WDR33: variants seen among roughly 807,000 people sequenced by gnomAD.
The protein encoded by WDR33 is pre-mRNA 3' end processing protein WDR33.
WDR33 carries 47 observed loss-of-function variants against 164.9 expected under a neutral mutation model. The ratio of observed to expected loss-of-function variants is 0.29; its 90% CI spans 0.23 to 0.36. The LOEUF (loss-of-function observed/expected upper bound fraction) is 0.36, where lower values mean the gene tolerates loss of function less well. WDR33 is among the 10% of genes least tolerant of loss of function. WDR33 has a pLI of 1.00. For missense variants in WDR33, 1,137 were observed against 1,754.1 expected (o/e 0.65, Z 6.28); for synonymous variants, 505 against 589.0 (o/e 0.86, Z 2.06).
rs780734465 is a variant in WDR33, at chr2:127,725,098, C to T, written c.969G>A (p.Glu323=). 1.2e-6 allele frequency: 2 copies of T among 1,613,524 alleles called. No homozygotes were observed. The highest frequency in any genetic ancestry group is 1.7e-6 in the Non-Finnish European group (2 of 1,179,894). The change falls in exon 9 of 22, where the codon GAG becomes GAA. Residue 323 remains glutamate, a synonymous_variant. Coordinates refer to ENST00000322313, the MANE Select transcript of WDR33 (RefSeq NM_018383.5). ...KLFDIRNLKE[E]LQVFRGHKKE... ...TCTTATGACCTCGGAAGACTTGAAG[C>T]TCTTCTTTTAGGTTTCTGATATCAA...
intron 7 of WDR33, among the ~76,000 whole-genome samples, chr2:127,745,481 G>A (rs981947194): frequency 3.3e-5 from 5 of 152,070 alleles, no homozygotes; most frequent in Non-Finnish European, 4.4e-5. Context: ...TTTAAACAAT[G>A]GTTTTTCTTT....
chr2:127,737,669 G>T, intron 7 of WDR33: 3 of 1,044,742 alleles, frequency 2.9e-6, no homozygotes, highest in Non-Finnish European at 3.5e-6. Context: ...GAAGCCCCTG[G>T]TAAGGAAGAA....
At chr2:127,789,712 T>C (rs1306336466) in intron 1 of WDR33, among the ~76,000 whole-genome samples, 3 of 151,880 alleles carry the variant, frequency 2.0e-5, no homozygotes, top group African/African-American at 4.8e-5. Context: ...TCTTGCCTTA[T>C]TGTACTGTTC....
chr2:127,743,210 T>C (rs1420277005), intron 7 of WDR33, among the ~76,000 whole-genome samples: 1 of 152,142 alleles, frequency 6.6e-6, no homozygotes, highest in Non-Finnish European at 1.5e-5. Flanking sequence ...ACAAAAACCA[T>C]TTACTCAAAT....
chr2:127,807,637 A>G (rs1225870272), intron 1 of WDR33, among the ~76,000 whole-genome samples: 1 of 152,212 alleles, frequency 6.6e-6, no homozygotes, highest in Non-Finnish European at 1.5e-5. Flanking sequence ...CAGAATAGGA[A>G]TAGTGTGAAA....
chr2:127,724,499 T>C lies in WDR33; in HGVS notation c.1086-56A>G, dbSNP rs1184343045. On this transcript the variant is annotated intron_variant, in intron 10 of 21. Transcript: ENST00000322313. The surrounding 1 kb of genome is among the most constrained non-coding windows in gnomAD (Gnocchi z 4.8). ...TCACAAAAGTTACCCAGCTTCTCCC[T>C]CCCCCTCAAAAAAGACATTTTCTGT... The C allele has an allele frequency of 9.0e-6, 13 of 1,449,790 alleles. No homozygotes were observed. The highest frequency in any genetic ancestry group is 7.2e-5 in the Admixed American group (4 of 55,660). The allele number at this position is 1,449,790 out of a possible 1,614,324, so 89.8% of individuals were successfully genotyped here.
At position 127,765,216 on chromosome 2, in the gene WDR33, G is replaced by T; in HGVS notation, c.432C>A (p.Thr144=). Residue 144 remains threonine, a synonymous_variant, in exon 5 of 22, where the codon ACC becomes ACA. Coordinates refer to ENST00000322313, the MANE Select transcript of WDR33 (RefSeq NM_018383.5). ...AATTGAAAGTGAGTCCATTCCACAG[G>T]GTAAACTCCCCACTAGAAGCTCCAG... ...LVTGASSGEF[T]LWNGLTFNFE... 4.3e-6 allele frequency: 7 copies of T among 1,613,990 alleles called. No homozygotes were observed. The highest frequency in any genetic ancestry group is 5.1e-6 in the Non-Finnish European group (6 of 1,179,994).
rs1435606389 is a variant in WDR33, at chr2:127,741,444, T to C, written c.725-14667A>G. On this transcript the variant is annotated intron_variant, in intron 7 of 21. Coordinates refer to ENST00000322313, the MANE Select transcript of WDR33 (RefSeq NM_018383.5). The surrounding 1 kb of genome is among the most constrained non-coding windows in gnomAD (Gnocchi z 4.1). ...CCCACTTACTTGATAAATGTGGCAG[T>C]GGCCTGTGCTTCTCCACTCACTTCA... Among the ~76,000 whole-genome samples, 5 of 152,196 alleles carry C rather than the reference T, an allele frequency of 3.3e-5. No individual in the cohort carries two copies. Among genetic ancestry groups the C allele is most frequent in the African/African-American group, 1.2e-4 (5 of 41,458 alleles).
chr2:127,704,488 A>G lies in WDR33; in HGVS notation c.*1835T>C, dbSNP rs1459857964. The G allele has an allele frequency of 6.0e-6, 1 of 167,018 alleles. No homozygotes were observed. Among genetic ancestry groups the G allele is most frequent in the East Asian group, 1.9e-4 (1 of 5,202 alleles). The allele number at this position is 167,018 out of a possible 1,614,324, so 10.3% of individuals were successfully genotyped here. ...TTTTAGCTTCATGAAATTTGATTAC[A>G]GTTTCTCTCTCTTTAAGCTATACCA... On this transcript the variant is annotated 3_prime_UTR_variant, in exon 22 of 22. Coordinates refer to ENST00000322313, the MANE Select transcript of WDR33 (RefSeq NM_018383.5).
In WDR33 at chr2:127,706,853, C is replaced by A. The variant is rs1686029128; in HGVS notation, c.3782-301G>T. Among the ~76,000 whole-genome samples the A allele has an allele frequency of 6.6e-6, 1 of 152,234 alleles. No homozygotes were observed. The highest frequency in any genetic ancestry group is 1.5e-5 in the Non-Finnish European group (1 of 68,044). On this transcript the variant is annotated intron_variant, in intron 21 of 21. Transcript: ENST00000322313. This position sits in a 1 kb window ranked among gnomAD's most constrained non-coding sequence, Gnocchi z 5.1. ...CACCTTCAGGGAGACCCGGGCCACA[C>A]TGGGCCATGTCCCAGGCCATGGGAA...
chr2:127,796,667 T>C (rs1689054311), intron 1 of WDR33, among the ~76,000 whole-genome samples: 1 of 152,060 alleles, frequency 6.6e-6, no homozygotes, highest in African/African-American at 2.4e-5. Context: ...TGCTTTTTTA[T>C]TCCATTTTAT....
rs1329418230 is a variant in WDR33 at position 127,717,208 on chromosome 2, G to T, written c.2816C>A (p.Ala939Glu). The T allele has an allele frequency of 6.2e-7, 1 of 1,609,804 alleles. No homozygotes were observed. Among genetic ancestry groups the T allele is most frequent in the Non-Finnish European group, 8.5e-7 (1 of 1,177,994 alleles). ...GTTCAGAGGGGGAATGCGACCTTGT[G>T]CTCCCTGCTGCCCTAGGCCTGGTAT... Reference protein sequence around the residue: ...PLIPGLGQQGAQGRIPPLNPG... With the variant: ...PLIPGLGQQGEQGRIPPLNPG... The change falls in exon 17 of 22, where the codon GCA becomes GAA. Residue 939 changes from alanine (A) to glutamate (E), a missense_variant. This residue lies in a region of WDR33 where 867 missense variants were observed against 1,073.0 expected (regional missense o/e 0.81). Coordinates refer to ENST00000322313, the MANE Select transcript of WDR33 (RefSeq NM_018383.5). This position sits in a 1 kb window ranked among gnomAD's most constrained non-coding sequence, Gnocchi z 5.6.
chr2:127,708,868 T>C lies in WDR33; in HGVS notation c.3590A>G (p.Asp1197Gly), dbSNP rs1017588893. 6.3e-7 allele frequency: 1 copy of C among 1,580,958 alleles called. No homozygotes were observed. Among genetic ancestry groups the C allele is most frequent in the Non-Finnish European group, 8.6e-7 (1 of 1,160,188 alleles). ...AGGGGGATGATCAGGGCGGGGAGTA[T>C]CACGAAAATGTTCATGACCTGGCCC... Reference protein sequence around the residue: ...EPGPGHEHFRDTPRPDHPPHD... With the variant: ...EPGPGHEHFRGTPRPDHPPHD... Residue 1197 changes from aspartate (D) to glycine (G), a missense_variant, in exon 21 of 22, where the codon GAT becomes GGT. By Grantham distance (94) the Asp-to-Gly change is moderately conservative. This residue lies in a region of WDR33 where 867 missense variants were observed against 1,073.0 expected (regional missense o/e 0.81). Transcript: ENST00000322313. The surrounding 1 kb of genome is among the most constrained non-coding windows in gnomAD (Gnocchi z 6.7).
In WDR33 at chr2:127,702,205, T is replaced by TA. The variant is rs887512005; in HGVS notation, c.*4117dup. On this transcript the variant is annotated 3_prime_UTR_variant, in exon 22 of 22. Transcript: ENST00000322313. ...CCTCGCGCCCTCGCCGCTGGGGAAG[T>TA]ACGCGGAGCCAGCGCCGTCGGAGAC... 66 of 1,211,746 alleles carry TA rather than the reference T, an allele frequency of 5.4e-5. No individual in the cohort carries two copies. In the African/African-American group the frequency reaches 7.9e-4, roughly 14 times the overall value. 75.1% of individuals were successfully genotyped at this position (1,211,746 alleles called of 1,614,324 possible).
chr2:127,732,504 T>C (rs1213582887), intron 7 of WDR33, among the ~76,000 whole-genome samples: 1 of 152,174 alleles, frequency 6.6e-6, no homozygotes, highest in Non-Finnish European at 1.5e-5. Flanking sequence ...TAATTTTTTG[T>C]AGAGATGGAG....
intron 1 of WDR33, among the ~76,000 whole-genome samples, chr2:127,799,773 C>T (rs1689172098): frequency 6.6e-6 from 1 of 152,174 alleles, no homozygotes; most frequent in Admixed American, 6.5e-5. Flanking sequence ...TCCAGCTACT[C>T]GAACCACCTC....
rs1686356660 is a variant in WDR33, at chr2:127,718,832, G to C, written c.2760+433C>G. 6.6e-6 allele frequency among the ~76,000 whole-genome samples: 1 copy of C among 152,184 alleles called. No homozygotes were observed. Among genetic ancestry groups the C allele is most frequent in the African/African-American group, 2.4e-5 (1 of 41,438 alleles). ...AAAGTAGAGTTGGCAGACAGGAAGT[G>C]ATTCTGTGGCTGGCAGGCCCATGGA... On this transcript the variant is annotated intron_variant, in intron 16 of 21. Coordinates refer to ENST00000322313, the MANE Select transcript of WDR33 (RefSeq NM_018383.5). The surrounding 1 kb of genome is among the most constrained non-coding windows in gnomAD (Gnocchi z 4.4).
At chr2:127,747,901 C>T (rs1238837269) in intron 7 of WDR33, among the ~76,000 whole-genome samples, 2 of 152,212 alleles carry the variant, frequency 1.3e-5, no homozygotes, top group Non-Finnish European at 2.9e-5. Context: ...ACTGTTCTGA[C>T]ATGTACAGCT....
chr2:127,786,121 C>A (rs968742028), intron 1 of WDR33, among the ~76,000 whole-genome samples: 3 of 152,204 alleles, frequency 2.0e-5, no homozygotes, highest in Non-Finnish European at 2.9e-5. Context: ...GCAGCTTAAA[C>A]CTCCTAGGCT....
Sources: gnomAD v4.1 joint callset for allele counts (sites outside exome capture counted in the v4.1 genomes callset) on GRCh38, gnomAD v4.1.1 for gene constraint, gnomAD v4.1.1 regional missense constraint, Gnocchi (gnomAD v3.1) non-coding constraint, MANE v1.5 for transcripts, NCBI Gene and HGNC (gene_info 2026-07-23, HGNC 2026-07-21) for gene names.